Variants in DNAI4 observed in about 807,000 individuals in gnomAD.
DNAI4 encodes dynein axonemal intermediate chain 4.
A neutral mutation model predicts 105.8 loss-of-function variants in DNAI4; 85 were observed. The ratio of observed to expected loss-of-function variants is 0.80; its 90% CI spans 0.67 to 0.96. DNAI4 has a LOEUF of 0.96. Among genes scored for constraint, DNAI4 ranks in the 40% least tolerant of loss-of-function variants. The pLI is 0.00. For synonymous variants in DNAI4, 352 were observed against 331.5 expected, an observed-to-expected ratio of 1.06 and a Z score of -0.67; for missense variants, 1,014 against 1,005.6, an observed-to-expected ratio of 1.01 and a Z score of -0.11.
chr1:66,813,964 A>C lies in DNAI4; in HGVS notation c.*166T>G, dbSNP rs927006460. On this transcript the variant is annotated 3_prime_UTR_variant, in exon 17 of 17. Transcript: ENST00000371026. ...AGAATAACTCTTAGATTGTAAACTA[A>C]TCAAATATCTCTGAAATAAAAGTTT... is the stretch of plus-strand genomic sequence containing the variant. 1.8e-6 allele frequency: 1 copy of C among 555,144 alleles called. No homozygotes were observed. Among genetic ancestry groups the C allele is most frequent in the African/African-American group, 1.9e-5 (1 of 52,082 alleles). The allele number at this position is 555,144 out of a possible 1,614,324, so 34.4% of individuals were successfully genotyped here. A position where few individuals can be genotyped will look rare whatever the true frequency, so the allele number is the denominator to read the frequency against.
At chr1:66,867,341 C>A (rs1031805420) in intron 6 of DNAI4, among the ~76,000 whole-genome samples, 1 of 152,134 alleles carries the variant, frequency 6.6e-6, no homozygotes, top group East Asian at 1.9e-4. Context: ...TTTTGACTTT[C>A]AAGTCTGAGA....
rs1645926579 is a variant in DNAI4, at chr1:66,834,043, T to C, written c.1839A>G (p.Ser613=). Residue 613 remains serine, a synonymous_variant, in exon 12 of 17, where the codon TCA becomes TCG. Transcript: ENST00000371026. Reference sequence around the variant, plus strand: ...CCCATTTGGAGATTCTTCCATCTGCTGATATAGAAACTAGTATTTCTCTTT... The same window carrying C: ...CCCATTTGGAGATTCTTCCATCTGCCGATATAGAAACTAGTATTTCTCTTT... ...DGKREILVSI[S]ADGRISKWVI... The C allele has an allele frequency of 1.9e-6, 3 of 1,612,362 alleles. No individual in the cohort carries two copies. The highest frequency in any genetic ancestry group is 1.3e-5 in the African/African-American group (1 of 74,866).
At chr1:66,864,134 T>C (rs1017812405) in intron 6 of DNAI4, among the ~76,000 whole-genome samples, 1 of 152,240 alleles carries the variant, frequency 6.6e-6, no homozygotes, top group African/African-American at 2.4e-5. Context: ...TTGGGTACTA[T>C]AGTTACATTT....
At chr1:66,825,721 A>G (rs540132862) in intron 15 of DNAI4, among the ~76,000 whole-genome samples, 1 of 152,310 alleles carries the variant, frequency 6.6e-6, no homozygotes, top group Non-Finnish European at 1.5e-5. Flanking sequence ...CACTTTATAC[A>G]TTAGTCACCT....
At position 66,910,926 on chromosome 1, in the gene DNAI4, G is replaced by A. The variant is rs552241698; in HGVS notation, c.171-5551C>T. On this transcript the variant is annotated intron_variant, in intron 1 of 16. Coordinates refer to ENST00000371026, the MANE Select transcript of DNAI4 (RefSeq NM_024763.5). Reference sequence around the variant, plus strand: ...TCAATACAGATTTCTGTGGCCAAATGCGTAGGGTTTCTCCCCACACACCAA... The same window carrying A: ...TCAATACAGATTTCTGTGGCCAAATACGTAGGGTTTCTCCCCACACACCAA... Among the ~76,000 whole-genome samples the A allele has an allele frequency of 4.6e-5, 7 of 152,258 alleles. No individual in the cohort carries two copies. In the East Asian group the frequency reaches 1.4e-3, roughly 29 times the overall value.
rs1645927566 is a variant in DNAI4 at position 66,834,073 on chromosome 1, A to G, written c.1809T>C (p.Asp603=). Residue 603 remains aspartate, a synonymous_variant, in exon 12 of 17, where the codon GAT becomes GAC. Transcript: ENST00000371026. ...WIEQDRGTTG[D]GKREILVSIS... is the part of the protein sequence containing the mutation. ...TAGAAACTAGTATTTCTCTTTTGCC[A>G]TCTCCTGTTGTTCCTCGATCTTGTT... 6.2e-7 allele frequency: 1 copy of G among 1,612,858 alleles called. No individual in the cohort carries two copies. The highest frequency in any genetic ancestry group is 1.1e-5 in the South Asian group (1 of 90,894).
chr1:66,836,727 C>T (rs17496172), intron 10 of DNAI4, among the ~76,000 whole-genome samples: 9,309 of 152,186 alleles, frequency 0.061, 403 homozygotes, highest in Non-Finnish European at 0.087. Flanking sequence ...CTATATAAAC[C>T]CAGATCTATA....
intron 8 of DNAI4, 30 bp from the exon 9 acceptor site, chr1:66,840,701 G>A: frequency 6.2e-7 from 1 of 1,611,662 alleles, no homozygotes; most frequent in South Asian, 1.1e-5. Flanking sequence ...AAAGATCATT[G>A]TCCTCTACAT....
At position 66,827,042 on chromosome 1, in the gene DNAI4, G is replaced by A. The variant is rs1645770906; in HGVS notation, c.2117C>T (p.Pro706Leu). ...TGGATTCCATGTCACTTTATACACT[G>A]GACCCTAGAAATAAAAAAAAAATAC... ...YLDTYRGHKG[P>L]VYKVTWNPFC... is the part of the protein sequence containing the mutation. The change falls in exon 15 of 17, where the codon CCA (proline) becomes CTA (leucine). Residue 706 changes from proline to leucine, a missense_variant. Pro to Leu is a moderately conservative substitution (Grantham distance 98). Transcript: ENST00000371026. The A allele has an allele frequency of 1.2e-6, 2 of 1,603,592 alleles. No homozygotes were observed. Among genetic ancestry groups the A allele is most frequent in the South Asian group, 1.1e-5 (1 of 87,886 alleles).
At chr1:66,821,008 A>G (rs1229682196) in intron 16 of DNAI4, among the ~76,000 whole-genome samples, 6 of 149,702 alleles carry the variant, frequency 4.0e-5, no homozygotes, top group Non-Finnish European at 8.9e-5. Flanking sequence ...AATTTATTTT[A>G]TTAAATTTAT....
intron 1 of DNAI4, among the ~76,000 whole-genome samples, chr1:66,922,587 G>C (rs1275318957): frequency 6.6e-6 from 1 of 152,198 alleles, no homozygotes; most frequent in Non-Finnish European, 1.5e-5. Flanking sequence ...GTGTTGGCAA[G>C]GAGACTATTT....
At chr1:66,819,612 A>T (rs1014166262) in intron 16 of DNAI4, among the ~76,000 whole-genome samples, 2 of 152,144 alleles carry the variant, frequency 1.3e-5, no homozygotes, top group African/African-American at 4.8e-5. Flanking sequence ...TAAGAAAAAT[A>T]AGTGTACGAA....
In DNAI4 at chr1:66,924,737, C is replaced by G; in HGVS notation, c.95G>C (p.Trp32Ser). The change falls in exon 1 of 17, where the codon TGG (tryptophan) becomes TCG (serine). Residue 32 changes from tryptophan (W) to serine (S), a missense_variant. Transcript: ENST00000371026. ...RDFRGGQKKGWCTTPQLVATM... is the reference protein window; with the variant it reads ...RDFRGGQKKGSCTTPQLVATM... ...GGCGACCAGCTGGGGAGTGGTGCAC[C>G]ACCCCTTTTTTTGGCCGCCTCTGAA... 1.2e-6 allele frequency: 2 copies of G among 1,614,204 alleles called. No homozygotes were observed. The highest frequency in any genetic ancestry group is 1.3e-5 in the African/African-American group (1 of 75,062).
intron 2 of DNAI4, chr1:66,904,850 C>T (rs937003411): frequency 4.3e-6 from 1 of 235,042 alleles, no homozygotes; most frequent in African/African-American, 2.2e-5. Flanking sequence ...TCTAGTAAGG[C>T]AAAATAACTG....
At chr1:66,921,004 T>C (rs1265193505) in intron 1 of DNAI4, among the ~76,000 whole-genome samples, 1 of 152,130 alleles carries the variant, frequency 6.6e-6, no homozygotes, top group African/African-American at 2.4e-5. Flanking sequence ...TATCAAAAGG[T>C]ACAAAAACAG....
At chr1:66,889,823 G>C (rs1010941394) in intron 4 of DNAI4, among the ~76,000 whole-genome samples, 2 of 152,004 alleles carry the variant, frequency 1.3e-5, no homozygotes, top group Non-Finnish European at 2.9e-5. Context: ...TGCCTGGATT[G>C]AGCTTCCCCT....
At chr1:66,904,997 A>G in intron 2 of DNAI4, 1 of 427,244 alleles carries the variant, frequency 2.3e-6, no homozygotes, top group South Asian at 8.5e-5. Flanking sequence ...ATTCCACTCT[A>G]ATATTCTTCT....
chr1:66,876,954 T>A (rs1646971655), intron 4 of DNAI4, among the ~76,000 whole-genome samples: 1 of 152,164 alleles, frequency 6.6e-6, no homozygotes, highest in Non-Finnish European at 1.5e-5. Context: ...GAACCTTTCG[T>A]GAATGGGTGG....
At chr1:66,862,082 AAAAGAATTT>A in intron 7 of DNAI4, 56 bp downstream of exon 7, 1 of 1,467,362 alleles carries the variant, frequency 6.8e-7, no homozygotes. Flanking sequence ...TAACTGCCAA[AAAAGAATTT>A]ATTAAAAATG....
Sources: allele counts gnomAD v4.1 joint callset (sites outside exome capture counted in the v4.1 genomes callset), GRCh38; gene constraint gnomAD v4.1.1; transcripts MANE v1.5; gene names NCBI Gene and HGNC (gene_info 2026-07-23, HGNC 2026-07-21).